TBC1D30: variants seen among roughly 807,000 people sequenced by gnomAD.
TBC1D30 encodes TBC1 domain family member 30, also known as TBC1 domain family, member 30.
In TBC1D30, 31 loss-of-function variants were observed where a neutral mutation model predicts 63.2. The observed-to-expected ratio is 0.49, with a 90% CI of 0.37 to 0.66. TBC1D30 has a LOEUF of 0.66. Ranked by LOEUF, TBC1D30 falls within the 30% of genes least tolerant of loss-of-function variation. The probability of loss-of-function intolerance (pLI) is 0.00; values close to 1 mark genes in which losing one functional copy is unlikely to be tolerated. For synonymous variants in TBC1D30, 307 were observed against 361.5 expected, an observed-to-expected ratio of 0.85 and a Z score of 1.71; for missense variants, 810 against 953.6, an observed-to-expected ratio of 0.85 and a Z score of 1.98.
chr12:64,765,282 A>G (rs1199125242), intron 1 of TBC1D30, among the ~76,000 whole-genome samples: 5 of 151,044 alleles, frequency 3.3e-5, no homozygotes, highest in African/African-American at 1.2e-4. Flanking sequence ...AGGTCAGGAG[A>G]TCAAGACCAT....
At chr12:64,783,618 T>C (rs1240202045) in intron 1 of TBC1D30, among the ~76,000 whole-genome samples, 1 of 151,862 alleles carries the variant, frequency 6.6e-6, no homozygotes, top group East Asian at 2.0e-4. Context: ...AAGAGGCTTC[T>C]ATACCAGCAG....
At chr12:64,806,826 C>A (rs138135861) in intron 2 of TBC1D30, among the ~76,000 whole-genome samples, 264 of 152,338 alleles carry the variant, frequency 1.7e-3, no homozygotes, top group African/African-American at 6.0e-3. Flanking sequence ...ACAGCATCTA[C>A]ATACAGTGGA....
intron 1 of TBC1D30, among the ~76,000 whole-genome samples, chr12:64,760,856 T>G (rs1466966726): frequency 1.3e-5 from 2 of 151,840 alleles, no homozygotes; most frequent in Non-Finnish European, 2.9e-5. Flanking sequence ...CCTTTATTAC[T>G]TTGTTTTTTT....
chr12:64,788,006 C>T (rs1338110565), intron 2 of TBC1D30, among the ~76,000 whole-genome samples: 1 of 152,032 alleles, frequency 6.6e-6, no homozygotes, highest in East Asian at 1.9e-4. Context: ...TGCACTCCAG[C>T]CTGGGCAACA....
intron 1 of TBC1D30, among the ~76,000 whole-genome samples, chr12:64,770,618 G>A (rs1870869716): frequency 6.6e-6 from 1 of 152,148 alleles, no homozygotes; most frequent in Non-Finnish European, 1.5e-5. Context: ...GCTGCCTGCT[G>A]GACTTCCTAG....
At chr12:64,844,655 C>T (rs1029982489) in intron 8 of TBC1D30, among the ~76,000 whole-genome samples, 2 of 152,234 alleles carry the variant, frequency 1.3e-5, no homozygotes, top group Non-Finnish European at 2.9e-5. Context: ...CACTAACTAT[C>T]TCTTCTTCCC....
chr12:64,838,952 T>C (rs988384295), intron 7 of TBC1D30, 101 bp downstream of exon 7: 6 of 1,159,070 alleles, frequency 5.2e-6, no homozygotes, highest in Middle Eastern at 2.1e-4. Context: ...AATGAGAAAG[T>C]TGTGAACTTT....
In TBC1D30 at chr12:64,830,567, T is replaced by C. The variant is rs751944393; in HGVS notation, c.408+65T>C. On this transcript the variant is annotated intron_variant, in intron 4 of 11. Transcript: ENST00000539867. The stretch of plus-strand genomic sequence containing the variant: ...GAAAGACTCTAAAAGCCAGTTGCTT[T>C]TTGGACAGAGGATCAAATGATCTCT... 112 of 1,382,912 alleles carry C rather than the reference T, an allele frequency of 8.1e-5. 1 individual carries two copies. The highest frequency in any genetic ancestry group is 3.7e-4 in the Middle Eastern group (2 of 5,448). The allele number at this position is 1,382,912 out of a possible 1,614,324, so 85.7% of individuals were successfully genotyped here. A position where few individuals can be genotyped will look rare whatever the true frequency, so the allele number is the denominator to read the frequency against.
intron 8 of TBC1D30, among the ~76,000 whole-genome samples, chr12:64,844,405 G>A (rs1163087736): frequency 6.6e-6 from 1 of 152,132 alleles, no homozygotes; most frequent in African/African-American, 2.4e-5. Flanking sequence ...TGGGCACGTA[G>A]TAGGTGCATA....
At chr12:64,855,584 C>T (rs1053975583) in intron 8 of TBC1D30, among the ~76,000 whole-genome samples, 6 of 152,074 alleles carry the variant, frequency 3.9e-5, no homozygotes, top group Admixed American at 2.0e-4. Flanking sequence ...ACTAATTATT[C>T]TACTTGATCA....
rs1874185841 is a variant in TBC1D30 at position 64,825,023 on chromosome 12, C to A, written c.144C>A (p.Thr48=). 1 of 1,533,104 alleles carries A rather than the reference C, an allele frequency of 6.5e-7. No homozygotes were observed. Among genetic ancestry groups the A allele is most frequent in the Non-Finnish European group, 8.7e-7 (1 of 1,146,056 alleles). 95.0% of individuals were successfully genotyped at this position (1,533,104 alleles called of 1,614,324 possible). Residue 48 remains threonine, a synonymous_variant, in exon 1 of 12, where the codon ACC becomes ACA. Transcript: ENST00000539867. ...ISRTAPRLLC[T]LEPGVDTKLK... is the part of the protein sequence containing the mutation. The stretch of plus-strand genomic sequence containing the variant: ...GGACCGCGCCCCGGCTGCTGTGCAC[C>A]CTGGAGCCGGGTGAGGACCCCAGGG...
chr12:64,814,422 A>T lies in TBC1D30; in HGVS notation c.644-13413A>T, dbSNP rs1873403615. Among the ~76,000 whole-genome samples, 4 of 151,138 alleles carry T rather than the reference A, an allele frequency of 2.6e-5. No individual in the cohort carries two copies. The South Asian group carries it at 6.2e-4, about 24-fold the overall frequency. On this transcript the variant is annotated intron_variant, in intron 2 of 12. Transcript: ENST00000542120. ...TCTTCATGTGCCATAGATAAAATTT[A>T]AAAAAAAATTTACTGGGAGCCTAGT...
chr12:64,796,385 CTT>C (rs936762116), intron 2 of TBC1D30, among the ~76,000 whole-genome samples: 2 of 152,024 alleles, frequency 1.3e-5, no homozygotes, highest in African/African-American at 4.8e-5. Context: ...TTTGTTTTCT[CTT>C]GTCAGTTATG....
chr12:64,812,848 T>C (rs1270639238), intron 2 of TBC1D30, among the ~76,000 whole-genome samples: 1 of 151,766 alleles, frequency 6.6e-6, no homozygotes, highest in Non-Finnish European at 1.5e-5. Context: ...CAGAAAAGGG[T>C]TGGCTTGTCT....
intron 1 of TBC1D30, among the ~76,000 whole-genome samples, chr12:64,762,127 A>G (rs1870539609): frequency 6.6e-6 from 1 of 152,210 alleles, no homozygotes; most frequent in Non-Finnish European, 1.5e-5. Flanking sequence ...AAGTTTGAGT[A>G]GGAGATAATT....
In TBC1D30 at chr12:64,879,856, C is replaced by CAAT. The variant is rs1463883127; in HGVS notation, c.*4070_*4071insTAA. 6.6e-6 allele frequency: 1 copy of CAAT among 152,058 alleles called. No individual in the cohort carries two copies. Among genetic ancestry groups the CAAT allele is most frequent in the Non-Finnish European group, 1.5e-5 (1 of 68,020 alleles). The allele number at this position is 152,058 out of a possible 1,614,324, so 9.4% of individuals were successfully genotyped here. On this transcript the variant is annotated 3_prime_UTR_variant, in exon 12 of 12. Coordinates refer to ENST00000539867, the MANE Select transcript of TBC1D30 (RefSeq NM_015279.2). ...TACTTGAGACTTGGTATCCTGAACT[C>CAAT]AAAGAAATAGCCATTACTAGGTTTT...
intron 1 of TBC1D30, among the ~76,000 whole-genome samples, chr12:64,774,822 G>A (rs748882353): frequency 6.6e-5 from 10 of 152,100 alleles, no homozygotes; most frequent in Non-Finnish European, 1.5e-4. Context: ...GCCGGGCATG[G>A]TGGCTCATGT....
intron 1 of TBC1D30, among the ~76,000 whole-genome samples, chr12:64,773,982 A>G (rs1870990948): frequency 6.6e-6 from 1 of 152,242 alleles, no homozygotes; most frequent in Non-Finnish European, 1.5e-5. Context: ...GAATATGGAT[A>G]GGAACAAACT....
Position 64,825,168 on chromosome 12 carries a change from G to C in TBC1D30, c.154+135G>C. ...CGTGCCACCTGGTGCGGGGCACCGCGTTGGCACCTGCAGGGAGCGATTGGT... is the reference window on the plus strand; with the variant it reads ...CGTGCCACCTGGTGCGGGGCACCGCCTTGGCACCTGCAGGGAGCGATTGGT... On this transcript the variant is annotated intron_variant, in intron 1 of 11. Coordinates refer to ENST00000539867, the MANE Select transcript of TBC1D30 (RefSeq NM_015279.2). 3.1e-6 allele frequency: 4 copies of C among 1,294,816 alleles called. No homozygotes were observed. The Admixed American group carries it at 1.1e-4, about 35-fold the overall frequency. 80.2% of individuals were successfully genotyped at this position (1,294,816 alleles called of 1,614,324 possible). A position where few individuals can be genotyped will look rare whatever the true frequency, so the allele number is the denominator to read the frequency against.
Sources: allele counts gnomAD v4.1 joint callset (sites outside exome capture counted in the v4.1 genomes callset), GRCh38; gene constraint gnomAD v4.1.1; transcripts MANE v1.5; gene names NCBI Gene and HGNC (gene_info 2026-07-23, HGNC 2026-07-21).